The following DNER variants were observed in gnomAD, a reference collection of about 807,000 sequenced individuals.
DNER encodes delta and Notch-like epidermal growth factor-related receptor.
A neutral mutation model predicts 78.2 loss-of-function variants in DNER; 33 were observed. The observed-to-expected ratio is 0.42, with a 90% CI of 0.32 to 0.56. DNER has a LOEUF of 0.56. DNER is among the 20% of genes least tolerant of loss of function. DNER has a pLI of 0.11. For missense variants in DNER, 918 were observed against 975.3 expected (o/e 0.94, Z 0.78); for synonymous variants, 417 against 384.8 (o/e 1.08, Z -0.98).
At chr2:229,520,273 T>C (rs1291914296) in intron 5 of DNER, among the ~76,000 whole-genome samples, 1 of 152,184 alleles carries the variant, frequency 6.6e-6, no homozygotes, top group Non-Finnish European at 1.5e-5. Flanking sequence ...ATCAGAGTCA[T>C]TCTTTGAGCA....
At chr2:229,443,820 C>T (rs1185147427) in intron 8 of DNER, among the ~76,000 whole-genome samples, 1 of 152,202 alleles carries the variant, frequency 6.6e-6, no homozygotes, top group Non-Finnish European at 1.5e-5. Flanking sequence ...TTACATGCTC[C>T]AAAAGATGAA....
chr2:229,637,365 T>C (rs1009799691), intron 1 of DNER, among the ~76,000 whole-genome samples: 1 of 152,264 alleles, frequency 6.6e-6, no homozygotes, highest in Non-Finnish European at 1.5e-5. Context: ...TCTTGGTCCA[T>C]AGTGGTGTGC....
chr2:229,699,646 A>C (rs1048867656), intron 1 of DNER, among the ~76,000 whole-genome samples: 1 of 152,202 alleles, frequency 6.6e-6, no homozygotes, highest in Admixed American at 6.5e-5. Flanking sequence ...GATTACAAGC[A>C]TGAGTCACCA....
At chr2:229,626,515 G>A (rs1698347641) in intron 1 of DNER, among the ~76,000 whole-genome samples, 1 of 152,112 alleles carries the variant, frequency 6.6e-6, no homozygotes, top group Non-Finnish European at 1.5e-5. Flanking sequence ...ACAGAGAATC[G>A]GGCAATTACA....
At chr2:229,705,882 C>A (rs2154217793) in intron 1 of DNER, among the ~76,000 whole-genome samples, 1 of 152,312 alleles carries the variant, frequency 6.6e-6, no homozygotes, top group East Asian at 1.9e-4. Context: ...ACACCCCAAA[C>A]CCCTCCAGTT....
At chr2:229,661,413 A>G (rs139916391) in intron 1 of DNER, among the ~76,000 whole-genome samples, 1 of 135,414 alleles carries the variant, frequency 7.4e-6, no homozygotes, top group East Asian at 2.2e-4. Context: ...ATTGAACCCT[A>G]AAGTTCCAAG....
chr2:229,420,537 G>T (rs1693743106), intron 8 of DNER, among the ~76,000 whole-genome samples: 1 of 152,120 alleles, frequency 6.6e-6, no homozygotes, highest in Admixed American at 6.6e-5. Flanking sequence ...TTTTCTTCTA[G>T]AAGTTTTATA....
In DNER at chr2:229,714,428, G is replaced by C. The variant is rs1699963661; in HGVS notation, c.-5C>G. The C allele has an allele frequency of 8.8e-7, 1 of 1,133,954 alleles. No individual in the cohort carries two copies. Among genetic ancestry groups the C allele is most frequent in the Non-Finnish European group, 1.1e-6 (1 of 928,542 alleles). The allele number at this position is 1,133,954 out of a possible 1,614,324, so 70.2% of individuals were successfully genotyped here. On this transcript the variant is annotated 5_prime_UTR_variant, in exon 1 of 13. Coordinates refer to ENST00000341772, the MANE Select transcript of DNER (RefSeq NM_139072.4). ...CTGGGCGCGGCGGGGCTGCATGGCC[G>C]GCCGGGAGGGCGCGGGAGCCGGAGC... is the stretch of plus-strand genomic sequence containing the variant.
intron 1 of DNER, among the ~76,000 whole-genome samples, chr2:229,703,989 C>T (rs751178605): frequency 1.3e-5 from 2 of 150,294 alleles, no homozygotes; most frequent in African/African-American, 2.4e-5. Flanking sequence ...AATCGCATAT[C>T]AAGTAAGGGA....
At chr2:229,678,485 T>C (rs780434000) in intron 1 of DNER, among the ~76,000 whole-genome samples, 4 of 152,036 alleles carry the variant, frequency 2.6e-5, no homozygotes, top group Non-Finnish European at 5.9e-5. Context: ...ATGAAGTTAT[T>C]AAAAAGGTGT....
In DNER at chr2:229,394,492, C is replaced by T. The variant is rs1375068298; in HGVS notation, c.1724-6096G>A. ...TTGGGGGCAGGTTTGCAGAGGCCTG[C>T]AGGAGCTGAGAGACCAAGAAATGGG... On this transcript the variant is annotated intron_variant, in intron 10 of 12. Transcript: ENST00000341772. Among the ~76,000 whole-genome samples, 3 of 152,344 alleles carry T rather than the reference C, an allele frequency of 2.0e-5. No homozygotes were observed. In the East Asian group the frequency reaches 5.8e-4, roughly 29 times the overall value.
intron 11 of DNER, among the ~76,000 whole-genome samples, chr2:229,371,447 T>C (rs376956613): frequency 6.6e-6 from 1 of 152,230 alleles, no homozygotes; most frequent in East Asian, 1.9e-4. Flanking sequence ...CAGGAATGCA[T>C]GTGCACGAGC....
At chr2:229,661,530 T>C (rs1263295677) in intron 1 of DNER, among the ~76,000 whole-genome samples, 3 of 152,202 alleles carry the variant, frequency 2.0e-5, no homozygotes, top group African/African-American at 7.2e-5. Flanking sequence ...TCATTGTCCT[T>C]AGTCAGACAT....
At chr2:229,661,021 T>C (rs1184900673) in intron 1 of DNER, among the ~76,000 whole-genome samples, 2 of 152,202 alleles carry the variant, frequency 1.3e-5, no homozygotes, top group African/African-American at 4.8e-5. Flanking sequence ...TTATTGTTTT[T>C]CTTCATGCCC....
rs1296940752 is a variant in DNER at position 229,407,305 on chromosome 2, G to A, written c.1650C>T (p.Val550=). 1 of 1,614,004 alleles carries A rather than the reference G, an allele frequency of 6.2e-7. No individual in the cohort carries two copies. The highest frequency in any genetic ancestry group is 8.5e-7 in the Non-Finnish European group (1 of 1,179,886). ...CACAGGTGGCTCCGTTCAGACAGCT[G>A]ACGTTAGCGCAGGGATCCTTGTACA... ...CELYKDPCAN[V]SCLNGATCDS... is the part of the protein sequence containing the mutation. Residue 550 remains valine, a synonymous_variant, in exon 10 of 13, where the codon GTC becomes GTT. Transcript: ENST00000341772.
chr2:229,593,113 A>G (rs7600441), intron 1 of DNER, among the ~76,000 whole-genome samples: 2,460 of 152,352 alleles, frequency 0.016, 69 homozygotes, highest in African/African-American at 0.056. Flanking sequence ...ATCAGAGTCA[A>G]TGGATTTGTA....
At chr2:229,440,944 A>G (rs1388361530) in intron 8 of DNER, among the ~76,000 whole-genome samples, 1 of 152,122 alleles carries the variant, frequency 6.6e-6, no homozygotes, top group Non-Finnish European at 1.5e-5. Context: ...TCTCTTTTTG[A>G]CCATAATATA....
At chr2:229,460,212 A>G (rs1694666686) in intron 7 of DNER, among the ~76,000 whole-genome samples, 1 of 151,124 alleles carries the variant, frequency 6.6e-6, no homozygotes, top group East Asian at 1.9e-4. Context: ...AGGAATAAAC[A>G]TGTGCTACCA....
At chr2:229,601,723 C>T (rs1697829511) in intron 1 of DNER, among the ~76,000 whole-genome samples, 1 of 152,122 alleles carries the variant, frequency 6.6e-6, no homozygotes, top group African/African-American at 2.4e-5. Flanking sequence ...CATATTGTTT[C>T]CCTACTTTTT....
Sources: allele counts gnomAD v4.1 joint callset (sites outside exome capture counted in the v4.1 genomes callset), GRCh38; gene constraint gnomAD v4.1.1; transcripts MANE v1.5; gene names NCBI Gene and HGNC (gene_info 2026-07-23, HGNC 2026-07-21).